Variants in NPR1 observed in about 807,000 individuals in gnomAD.
NPR1 encodes the protein atrial natriuretic peptide receptor 1.
In NPR1, 57 loss-of-function variants were observed where a neutral mutation model predicts 116.9. The ratio of observed to expected loss-of-function variants is 0.49; its 90% CI spans 0.39 to 0.61. The LOEUF is 0.61. NPR1 is among the 20% of genes least tolerant of loss of function. The pLI is 0.00. For missense variants in NPR1, 1,096 were observed against 1,409.8 expected, an observed-to-expected ratio of 0.78 and a Z score of 3.56; for synonymous variants, 555 against 601.6, an observed-to-expected ratio of 0.92 and a Z score of 1.13.
At chr1:153,684,882 C>G in intron 7 of NPR1, 82 bp from the exon 8 acceptor site, 1 of 1,564,856 alleles carries the variant, frequency 6.4e-7, no homozygotes, top group East Asian at 2.3e-5. Flanking sequence ...TGTGGTCCCA[C>G]GGCTCTGAGG....
At position 153,679,442 on chromosome 1, in the gene NPR1, G is replaced by A; in HGVS notation, c.334G>A (p.Val112Met). ...VDLKWEHNPA[V>M]FLGPGCVYAA... ...CCTCAAGTGGGAGCACAACCCCGCT[G>A]TGTTCCTGGGCCCCGGCTGCGTGTA... Residue 112 changes from valine (V) to methionine (M), a missense_variant, in exon 1 of 22, where the codon GTG becomes ATG. Physicochemically the swap from Val to Met is conservative, Grantham distance 21 (BLOSUM62 1). Transcript: ENST00000368680. The surrounding 1 kb of genome is among the most constrained non-coding windows in gnomAD (Gnocchi z 4.2). 1 of 1,543,082 alleles carries A rather than the reference G, an allele frequency of 6.5e-7. No homozygotes were observed. The highest frequency in any genetic ancestry group is 1.4e-5 in the African/African-American group (1 of 73,258).
Position 153,689,853 on chromosome 1 carries a change from GC to G in NPR1, c.2806del (p.Arg936GlyfsTer10), listed in dbSNP as rs1557965679. On this transcript the variant is annotated frameshift_variant, in exon 19 of 22. Transcript: ENST00000368680. LOFTEE classifies it high-confidence loss of function. This position sits in a 1 kb window ranked among gnomAD's most constrained non-coding sequence, Gnocchi z 5.1. The stretch of plus-strand genomic sequence containing the variant: ...ACATGGTGGTGTCAGGGCTCCCTGT[GC>G]GGAACGGGCGGCTACACGCCTGCGA... ...AYMVVSGLPV[R>X]NGRLHACEVA... 1.3e-6 allele frequency: 2 copies of G among 1,592,970 alleles called. No homozygotes were observed. The highest frequency in any genetic ancestry group is 1.7e-6 in the Non-Finnish European group (2 of 1,167,056).
rs768293523 is a variant in NPR1 at position 153,680,485 on chromosome 1, C to T, written c.722-16C>T. On this transcript the variant is annotated splice_polypyrimidine_tract_variant and intron_variant, in intron 1 of 21. Coordinates refer to ENST00000368680, the MANE Select transcript of NPR1 (RefSeq NM_000906.4). The stretch of plus-strand genomic sequence containing the variant: ...AGTACCTAGGCTTCTCTCTCTGACT[C>T]TCCGTCTTTCTCCAGTTATCTACAT... The T allele has an allele frequency of 1.9e-6, 3 of 1,613,424 alleles. No individual in the cohort carries two copies. In the South Asian group the frequency reaches 3.3e-5, roughly 18 times the overall value.
At chr1:153,680,378 ACT>A in intron 1 of NPR1, 121 bp from the exon 2 acceptor site, 1 of 839,746 alleles carries the variant, frequency 1.2e-6, no homozygotes. Flanking sequence ...TTACCACTTA[ACT>A]CTCACTGGGT....
At chr1:153,690,942 CAAAAAA>C (rs57820357) in intron 20 of NPR1, among the ~76,000 whole-genome samples, 2 of 51,318 alleles carry the variant, frequency 3.9e-5, no homozygotes, top group Non-Finnish European at 7.1e-5. Context: ...AACTCTGTCT[CAAAAAA>C]AAAAAAAAAA....
Position 153,687,765 on chromosome 1 carries a change from G to C in NPR1, c.2224G>C (p.Glu742Gln). The change falls in exon 14 of 22, where the codon GAA becomes CAA. Residue 742 changes from glutamate (E) to glutamine (Q), a missense_variant. Physicochemically the swap from Glu to Gln is conservative, Grantham distance 29. Coordinates refer to ENST00000368680, the MANE Select transcript of NPR1 (RefSeq NM_000906.4). ...CCTGAGGAGTGGGGTCTTCCACGTG[G>C]AAGGTTTGGACCTGAGCCCCAAAGG... ...IALRSGVFHV[E>Q]GLDLSPKEII... 6.3e-7 allele frequency: 1 copy of C among 1,598,242 alleles called. No homozygotes were observed.
intron 12 of NPR1, 44 bp downstream of exon 12, chr1:153,687,131 G>A (rs199627776): frequency 6.2e-5 from 100 of 1,613,660 alleles, no homozygotes; most frequent in Admixed American, 1.2e-4. Context: ...CAGGGGCCAG[G>A]CATGCTTCTC....
intron 14 of NPR1, 41 bp from the exon 15 acceptor site, chr1:153,688,012 G>T: frequency 6.8e-7 from 1 of 1,462,452 alleles, no homozygotes; most frequent in Non-Finnish European, 9.4e-7. Flanking sequence ...CTAGGCCCTT[G>T]GCCAGCCCCA....
chr1:153,685,334 A>G (rs964337210), intron 8 of NPR1, among the ~76,000 whole-genome samples: 25 of 152,142 alleles, frequency 1.6e-4, no homozygotes, highest in African/African-American at 5.8e-4. Flanking sequence ...AAAAAAAAAA[A>G]AAGTAAATGA....
chr1:153,680,811 T>G (rs1419030843), intron 2 of NPR1, 111 bp downstream of exon 2: 1 of 840,062 alleles, frequency 1.2e-6, no homozygotes, highest in African/African-American at 1.7e-5. Context: ...TTTGTCTGTT[T>G]GTTTCTTTAT....
At position 153,693,334 on chromosome 1, in the gene NPR1, C is replaced by A; in HGVS notation, c.3124-18C>A. ...GGGCATGTGCCACTCCCCAGCCCAT[C>A]CTCTTTTTTCCCTCCAGGGCAAAGG... On this transcript the variant is annotated intron_variant, in intron 21 of 21. Coordinates refer to ENST00000368680, the MANE Select transcript of NPR1 (RefSeq NM_000906.4). The A allele has an allele frequency of 2.5e-6, 4 of 1,612,208 alleles. No individual in the cohort carries two copies. The highest frequency in any genetic ancestry group is 3.4e-6 in the Non-Finnish European group (4 of 1,178,794).
chr1:153,680,713 G>A lies in NPR1; in HGVS notation c.921+13G>A. ...CCAGGCCTTTCAGGTGAGTACCTAG[G>A]TTTGAAGCCCAGGCTGTCTCAGCTT... On this transcript the variant is annotated intron_variant, in intron 2 of 21. Transcript: ENST00000368680. 1 of 1,602,824 alleles carries A rather than the reference G, an allele frequency of 6.2e-7. No homozygotes were observed. Among genetic ancestry groups the A allele is most frequent in the Non-Finnish European group, 8.5e-7 (1 of 1,172,862 alleles).
At chr1:153,693,003 C>A (rs373418234) in intron 20 of NPR1, 103 bp from the exon 21 acceptor site, 1 of 915,088 alleles carries the variant, frequency 1.1e-6, no homozygotes, top group East Asian at 2.5e-5. Context: ...GAGAGGGTAC[C>A]TGTCCACCTG....
rs1301061714 is a variant in NPR1, at chr1:153,690,072, C to CAA, written c.2932+92_2932+93insAA. The stretch of plus-strand genomic sequence containing the variant: ...GGCCCAGCCCCTCGCCCTTTCATCT[C>CAA]TCTCTCTCTCTCTCTCTCTCTCTCT... On this transcript the variant is annotated intron_variant, in intron 19 of 21. Transcript: ENST00000368680. The CAA allele has an allele frequency of 1.1e-5, 3 of 279,906 alleles. No homozygotes were observed. The African/African-American group carries it at 2.6e-4, about 25-fold the overall frequency. 17.3% of individuals were successfully genotyped at this position (279,906 alleles called of 1,614,324 possible). A position where few individuals can be genotyped will look rare whatever the true frequency, so the allele number is the denominator to read the frequency against.
Position 153,685,085 on chromosome 1 carries a change from G to T in NPR1, c.1605+1G>T. On this transcript the variant is annotated splice_donor_variant, in intron 8 of 21. Coordinates refer to ENST00000368680, the MANE Select transcript of NPR1 (RefSeq NM_000906.4). LOFTEE classifies it high-confidence loss of function. ...AGGCAGCCGGCTGACCCTGAGCGGGGTAAGAACGCTGGTGTTTGTGTTGGG... is the reference window on the plus strand; with the variant it reads ...AGGCAGCCGGCTGACCCTGAGCGGGTTAAGAACGCTGGTGTTTGTGTTGGG... 6.2e-7 allele frequency: 1 copy of T among 1,613,868 alleles called. No individual in the cohort carries two copies. Among genetic ancestry groups the T allele is most frequent in the Non-Finnish European group, 8.5e-7 (1 of 1,179,962 alleles).
At chr1:153,680,742 G>A (rs1426482737) in intron 2 of NPR1, 42 bp downstream of exon 2, 2 of 1,516,622 alleles carry the variant, frequency 1.3e-6, no homozygotes. Flanking sequence ...TCAGCTTGTG[G>A]CACATCATTT....
chr1:153,681,842 C>T lies in NPR1; in HGVS notation c.1171+3C>T. On this transcript the variant is annotated splice_donor_region_variant and intron_variant, in intron 4 of 21. Coordinates refer to ENST00000368680, the MANE Select transcript of NPR1 (RefSeq NM_000906.4). ...GATGTGGAACCGAAGCTTTCAAGGT[C>T]AGGGCCTGGAGGTGGCTGGAATGGG... is the stretch of plus-strand genomic sequence containing the variant. The T allele has an allele frequency of 6.2e-7, 1 of 1,613,524 alleles. No homozygotes were observed. The highest frequency in any genetic ancestry group is 8.5e-7 in the Non-Finnish European group (1 of 1,179,824).
Position 153,689,724 on chromosome 1 carries a change from C to A in NPR1, c.2758-82C>A. Reference sequence around the variant, plus strand: ...AAAGACAGATGAGGGTACAGAATGACAGACGCTGCACCCGGTGTGACGGTG... The same window carrying A: ...AAAGACAGATGAGGGTACAGAATGAAAGACGCTGCACCCGGTGTGACGGTG... On this transcript the variant is annotated intron_variant, in intron 18 of 21. Transcript: ENST00000368680. The surrounding 1 kb of genome is among the most constrained non-coding windows in gnomAD (Gnocchi z 5.1). 1 of 1,389,446 alleles carries A rather than the reference C, an allele frequency of 7.2e-7. No individual in the cohort carries two copies. Among genetic ancestry groups the A allele is most frequent in the Non-Finnish European group, 9.7e-7 (1 of 1,026,524 alleles). 86.1% of individuals were successfully genotyped at this position (1,389,446 alleles called of 1,614,324 possible). A position where few individuals can be genotyped will look rare whatever the true frequency, so the allele number is the denominator to read the frequency against.
intron 6 of NPR1, 74 bp downstream of exon 6, chr1:153,683,585 G>C (rs1179119337): frequency 6.3e-7 from 1 of 1,592,832 alleles, no homozygotes; most frequent in Non-Finnish European, 8.6e-7. Context: ...TCGAGTAGGT[G>C]CTCCTGTCCC....
Sources: allele counts gnomAD v4.1 joint callset (sites outside exome capture counted in the v4.1 genomes callset), GRCh38; gene constraint gnomAD v4.1.1; non-coding constraint Gnocchi (gnomAD v3.1); transcripts MANE v1.5; gene names NCBI Gene and HGNC (gene_info 2026-07-23, HGNC 2026-07-21).